The following CCZ1 variants were observed in gnomAD, a reference collection of about 807,000 sequenced individuals.
CCZ1 encodes the protein vacuolar fusion protein CCZ1 homolog.
In CCZ1, 19 loss-of-function variants were observed where a neutral mutation model predicts 57.8. The observed-to-expected ratio is 0.33, with a 90% confidence interval of 0.23 to 0.48. The LOEUF is 0.48. Ranked by LOEUF, CCZ1 falls within the 20% of genes least tolerant of loss-of-function variation. The pLI, the probability that CCZ1 is intolerant of heterozygous loss-of-function variation, is 0.99. For missense variants in CCZ1, 200 were observed against 492.0 expected, an observed-to-expected ratio of 0.41 and a Z score of 5.61; for synonymous variants, 81 against 167.0, an observed-to-expected ratio of 0.49 and a Z score of 3.97.
At chr7:5,910,615 C>T (rs2108073) in intron 8 of CCZ1, among the ~76,000 whole-genome samples, 87,329 of 138,570 alleles carry the variant, frequency 0.63, 29,989 homozygotes, top group Middle Eastern at 0.79. Flanking sequence ...CGTGAGCCAC[C>T]GCCCCCAGTC....
At chr7:5,916,498 G>GTTTTT (rs764065119) in intron 10 of CCZ1, among the ~76,000 whole-genome samples, 2 of 110,962 alleles carry the variant, frequency 1.8e-5, no homozygotes, top group East Asian at 3.1e-4. Flanking sequence ...TTTTTGTTTT[G>GTTTTT]TTTTTTGTTT....
rs773853275 is a variant in CCZ1 at position 5,905,217 on chromosome 7, A to G, written c.646A>G (p.Ser216Gly). The G allele has an allele frequency of 4.4e-5, 69 of 1,563,010 alleles. 4 individuals are homozygous for G. The Middle Eastern group carries it at 8.4e-4, about 19-fold the overall frequency. ...GTCCTTTATTAATAGAATGGAGGAA[A>G]GCCTGAATATAGTCAAATACACTGC... ...IQSFINRMEE[S>G]LNIVKYTAFL... The change falls in exon 7 of 15, where the codon AGC (serine) becomes GGC (glycine). Residue 216 changes from serine to glycine, a missense_variant. Around this residue, in one of 5 missense-constraint regions of CCZ1, gnomAD observed 128 missense variants for 178.4 expected, o/e 0.72. Transcript: ENST00000325974.
At chr7:5,920,951 GTTTTT>G (rs201738735) in intron 12 of CCZ1, among the ~76,000 whole-genome samples, 27 of 83,834 alleles carry the variant, frequency 3.2e-4, no homozygotes, top group South Asian at 1.1e-3. Context: ...TGTTTTTTGG[GTTTTT>G]TTTTTTTTTT....
intron 3 of CCZ1, 51 bp downstream of exon 3, chr7:5,900,617 G>A (rs1204483879): frequency 1.9e-6 from 3 of 1,576,726 alleles, no homozygotes; most frequent in Non-Finnish European, 2.6e-6. Flanking sequence ...GAAGTTATGG[G>A]TGATCTTTAC....
chr7:5,908,425 C>T (rs1323134750), intron 7 of CCZ1, among the ~76,000 whole-genome samples: 2 of 147,692 alleles, frequency 1.4e-5, no homozygotes, highest in Non-Finnish European at 3.0e-5. Flanking sequence ...GTTGCCCAGG[C>T]TAGAGTGCAG....
chr7:5,907,024 C>T (rs55966540), intron 7 of CCZ1, among the ~76,000 whole-genome samples: 6,850 of 148,452 alleles, frequency 0.046, 122 homozygotes, highest in African/African-American at 0.09. Context: ...CATACCACAA[C>T]ACCCAGCTAA....
At chr7:5,910,558 C>T (rs1781945831) in intron 8 of CCZ1, among the ~76,000 whole-genome samples, 1 of 145,422 alleles carries the variant, frequency 6.9e-6, no homozygotes, top group African/African-American at 2.5e-5. Flanking sequence ...GAACTCCTGA[C>T]CTTGTGATCT....
Position 5,905,331 on chromosome 7 carries a change from C to G in CCZ1, c.698+62C>G, listed in dbSNP as rs968822141. On this transcript the variant is annotated intron_variant, in intron 7 of 14. Transcript: ENST00000325974. ...ATTAAGATAATAAAAACAGCAGTGACTGGATTGATGACAGGTTGTCAAACA... is the reference window on the plus strand; with the variant it reads ...ATTAAGATAATAAAAACAGCAGTGAGTGGATTGATGACAGGTTGTCAAACA... The G allele has an allele frequency of 6.2e-6, 6 of 961,034 alleles. No homozygotes were observed. In the Admixed American group the frequency reaches 8.8e-5, roughly 14 times the overall value. The allele number at this position is 961,034 out of a possible 1,614,324, so 59.5% of individuals were successfully genotyped here. A position where few individuals can be genotyped will look rare whatever the true frequency, so the allele number is the denominator to read the frequency against.
chr7:5,915,482 G>A (rs1414665438), intron 10 of CCZ1, among the ~76,000 whole-genome samples: 1 of 137,816 alleles, frequency 7.3e-6, no homozygotes, highest in African/African-American at 2.5e-5. Flanking sequence ...CAGACATATT[G>A]TGGGGTGTGA....
chr7:5,902,807 A>G lies in CCZ1; in HGVS notation c.522+63A>G. ...ATTCAGCAGGTTTTTAGAGAAATAT[A>G]GACAGACAAGTTTGTTTCTTATATA... On this transcript the variant is annotated intron_variant, in intron 6 of 14. Transcript: ENST00000325974. 8 of 1,552,964 alleles carry G rather than the reference A, an allele frequency of 5.2e-6. 1 individual carries two copies. The highest frequency in any genetic ancestry group is 1.2e-5 in the South Asian group (1 of 80,204).
chr7:5,902,675 A>G lies in CCZ1; in HGVS notation c.453A>G (p.Thr151=). 4 of 1,590,220 alleles carry G rather than the reference A, an allele frequency of 2.5e-6. No homozygotes were observed. The highest frequency in any genetic ancestry group is 2.4e-5 in the South Asian group (2 of 84,762). ...TACCTCACTAGCTTTTTAATGGTAC[A>G]TTTCTGAAAGCCATGGAAGACGGAG... ...CYSMYKLFNG[T]FLKAMEDGGV... The change falls in exon 6 of 15, where the codon ACA becomes ACG. Residue 151 remains threonine, a synonymous_variant. Transcript: ENST00000325974.
chr7:5,916,580 G>A (rs62441805), intron 10 of CCZ1, among the ~76,000 whole-genome samples: 1,463 of 137,298 alleles, frequency 0.011, 18 homozygotes, highest in African/African-American at 0.043. Context: ...GTCCTCTCCC[G>A]TTGGGGTCAT....
At chr7:5,921,224 C>T (rs2108074) in intron 12 of CCZ1, among the ~76,000 whole-genome samples, 16,995 of 114,752 alleles carry the variant, frequency 0.15, 309 homozygotes, top group South Asian at 0.25. Flanking sequence ...CCACCGCGCC[C>T]GGCCCATATG....
chr7:5,906,917 G>C (rs1432750502), intron 7 of CCZ1, among the ~76,000 whole-genome samples: 3 of 150,120 alleles, frequency 2.0e-5, no homozygotes, highest in African/African-American at 7.4e-5. Flanking sequence ...GCCCAGGCTG[G>C]AGTGCAGTGG....
intron 1 of CCZ1, among the ~76,000 whole-genome samples, 153 bp downstream of exon 1, chr7:5,899,072 G>A (rs1242640909): frequency 5.5e-5 from 4 of 72,102 alleles, no homozygotes; most frequent in African/African-American, 2.3e-4. Flanking sequence ...CTGACAGCAG[G>A]CAGGGACCGC....
chr7:5,909,720 T>G (rs2128612317), intron 7 of CCZ1, among the ~76,000 whole-genome samples: 1 of 145,722 alleles, frequency 6.9e-6, no homozygotes, highest in Non-Finnish European at 1.5e-5. Flanking sequence ...AAAAAAAAAT[T>G]TTTTTTAATA....
In CCZ1 at chr7:5,916,498, GTTTTTTGTTTT is replaced by G. The variant is rs1194385069; in HGVS notation, c.955-2362_955-2352del. Among the ~76,000 whole-genome samples the G allele has an allele frequency of 4.5e-4, 50 of 110,992 alleles. 1 individual carries two copies. Among genetic ancestry groups the G allele is most frequent in the South Asian group, 9.4e-4 (3 of 3,176 alleles). The allele number at this position is 110,992 out of a possible 152,430, so 72.8% of individuals were successfully genotyped here. On this transcript the variant is annotated intron_variant, in intron 10 of 14. Coordinates refer to ENST00000325974, the MANE Select transcript of CCZ1 (RefSeq NM_015622.6). Reference sequence around the variant, plus strand: ...GTTTGGTTTTTTGGGTTTTTGTTTTGTTTTTTGTTTTTTTTTTTTTTGGTTTTTTGGTTTTT... The same window carrying G: ...GTTTGGTTTTTTGGGTTTTTGTTTTGTTTTTTTTTTGGTTTTTTGGTTTTT...
intron 10 of CCZ1, among the ~76,000 whole-genome samples, chr7:5,914,075 G>A (rs922679643): frequency 2.0e-5 from 3 of 146,378 alleles, no homozygotes; most frequent in Non-Finnish European, 4.5e-5. Context: ...TAGAGGTCTC[G>A]AAAGAAACAT....
chr7:5,904,728 G>C (rs1431741335), intron 6 of CCZ1, among the ~76,000 whole-genome samples: 1 of 147,466 alleles, frequency 6.8e-6, no homozygotes, highest in Non-Finnish European at 1.5e-5. Flanking sequence ...CTGCTCAGGA[G>C]GCTGAGGCAG....
Sources: allele counts gnomAD v4.1 joint callset (sites outside exome capture counted in the v4.1 genomes callset), GRCh38; gene constraint gnomAD v4.1.1; regional missense constraint gnomAD v4.1.1; transcripts MANE v1.5; gene names NCBI Gene and HGNC (gene_info 2026-07-23, HGNC 2026-07-21).